Variants in BMP8B observed in about 807,000 individuals in gnomAD.
BMP8B encodes the protein bone morphogenetic protein 8 (osteogenic protein 2).
A neutral mutation model predicts 30.3 loss-of-function variants in BMP8B; 17 were observed. The ratio of observed to expected loss-of-function variants is 0.56; its 90% CI spans 0.38 to 0.84. BMP8B has a LOEUF of 0.84. BMP8B is among the 40% of genes least tolerant of loss of function. The pLI, the probability that BMP8B is intolerant of heterozygous loss-of-function variation, is 0.00. For missense variants in BMP8B, 253 were observed against 494.6 expected (o/e 0.51, Z 4.63); for synonymous variants, 131 against 214.7 (o/e 0.61, Z 3.41).
intron 1 of BMP8B, among the ~76,000 whole-genome samples, chr1:39,776,327 TTCA>T (rs2124474367): frequency 6.6e-6 from 1 of 152,332 alleles, no homozygotes; most frequent in African/African-American, 2.4e-5. Context: ...TCCCATCCGT[TTCA>T]AACTCTAGAA....
rs376496822 is a variant in BMP8B, at chr1:39,759,141, C to G, written c.*1278G>C. On this transcript the variant is annotated 3_prime_UTR_variant, in exon 7 of 7. Transcript: ENST00000372827. The stretch of plus-strand genomic sequence containing the variant: ...TAAACACTCCAACTCCCAGTGGCTG[C>G]TCCAAGGAGAACAGCAGTTTCCGAG... The G allele has an allele frequency of 3.3e-5, 5 of 152,306 alleles. No individual in the cohort carries two copies. In the East Asian group the frequency reaches 5.8e-4, roughly 18 times the overall value. 9.4% of individuals were successfully genotyped at this position (152,306 alleles called of 1,614,324 possible). A position where few individuals can be genotyped will look rare whatever the true frequency, so the allele number is the denominator to read the frequency against.
At chr1:39,778,773 G>A (rs1650411572) in intron 1 of BMP8B, among the ~76,000 whole-genome samples, 1 of 152,220 alleles carries the variant, frequency 6.6e-6, no homozygotes, top group South Asian at 2.1e-4. Flanking sequence ...TCCCGGGAAA[G>A]AATGAACTGT....
intron 1 of BMP8B, among the ~76,000 whole-genome samples, chr1:39,777,255 A>G (rs1350751439): frequency 6.6e-6 from 1 of 152,210 alleles, no homozygotes; most frequent in Non-Finnish European, 1.5e-5. Flanking sequence ...GCACCTCTAA[A>G]TATTTATTTT....
In BMP8B at chr1:39,760,446, C is replaced by T. The variant is rs1466467001; in HGVS notation, c.1182G>A (p.Met394Ile). 6.2e-7 allele frequency: 1 copy of T among 1,613,990 alleles called. No homozygotes were observed. The highest frequency in any genetic ancestry group is 1.7e-5 in the Admixed American group (1 of 60,000). The change falls in exon 7 of 7, where the codon ATG (methionine) becomes ATA (isoleucine). Residue 394 changes from methionine to isoleucine, a missense_variant. Met to Ile is a conservative substitution (Grantham distance 10, BLOSUM62 1). Transcript: ENST00000372827. ...NNVILRKHRN[M>I]VVKACGCH ...AGTGGCAGCCGCAGGCCTTGACCACCATGTTGCGGTGCTTGCGCAGGATGA... is the reference window on the plus strand; with the variant it reads ...AGTGGCAGCCGCAGGCCTTGACCACTATGTTGCGGTGCTTGCGCAGGATGA...
At chr1:39,785,810 C>T (rs75984509) in intron 1 of BMP8B, among the ~76,000 whole-genome samples, 9,030 of 152,276 alleles carry the variant, frequency 0.059, 322 homozygotes, top group Middle Eastern at 0.16. Context: ...AATCCATGCC[C>T]CCCCACCGCC....
In BMP8B at chr1:39,760,508, C is replaced by A; in HGVS notation, c.1120G>T (p.Ala374Ser). The A allele has an allele frequency of 6.2e-7, 1 of 1,614,150 alleles. No individual in the cohort carries two copies. The highest frequency in any genetic ancestry group is 8.5e-7 in the Non-Finnish European group (1 of 1,180,022). The change falls in exon 7 of 7, where the codon GCC becomes TCC. Residue 374 changes from alanine (A) to serine (S), a missense_variant. This residue lies in a region of BMP8B where 116 missense variants were observed against 142.3 expected (regional missense o/e 0.81). Coordinates refer to ENST00000372827, the MANE Select transcript of BMP8B (RefSeq NM_001720.5). The stretch of plus-strand genomic sequence containing the variant: ...CTGTCATAGTAGAGCACAGAGGTGG[C>A]GCTCAGCTTGGTGGGTGCACAGCAC... ...KACCAPTKLS[A>S]TSVLYYDSSN...
At chr1:39,781,420 A>T (rs549511899) in intron 1 of BMP8B, among the ~76,000 whole-genome samples, 1 of 152,362 alleles carries the variant, frequency 6.6e-6, no homozygotes, top group East Asian at 1.9e-4. Flanking sequence ...TTTATTGAGC[A>T]CTGACCAGCC....
rs1281847581 is a variant in BMP8B, at chr1:39,788,614, G to A, written c.-129C>T. 9.3e-6 allele frequency: 8 copies of A among 859,110 alleles called. No homozygotes were observed. Among genetic ancestry groups the A allele is most frequent in the African/African-American group, 1.8e-5 (1 of 54,248 alleles). 53.2% of individuals were successfully genotyped at this position (859,110 alleles called of 1,614,324 possible). On this transcript the variant is annotated 5_prime_UTR_variant, in exon 1 of 7. Transcript: ENST00000372827. This position sits in a 1 kb window ranked among gnomAD's most constrained non-coding sequence, Gnocchi z 5.8. Reference sequence around the variant, plus strand: ...CGGGCGGCGGGCGGCGGGGCGGGGCGGGACGGGCGGCGACCGCGGCCTCAG... The same window carrying A: ...CGGGCGGCGGGCGGCGGGGCGGGGCAGGACGGGCGGCGACCGCGGCCTCAG...
intron 6 of BMP8B, chr1:39,762,750 A>T: frequency 7.3e-7 from 1 of 1,377,706 alleles, no homozygotes; most frequent in Non-Finnish European, 9.7e-7. Context: ...AAGATCACAC[A>T]GCCCCCACAC....
rs116241541 is a variant in BMP8B at position 39,758,211 on chromosome 1, C to G, written c.*2208G>C. 1 of 152,172 alleles carries G rather than the reference C, an allele frequency of 6.6e-6. No individual in the cohort carries two copies. Among genetic ancestry groups the G allele is most frequent in the Non-Finnish European group, 1.5e-5 (1 of 68,040 alleles). 9.4% of individuals were successfully genotyped at this position (152,172 alleles called of 1,614,324 possible). A position where few individuals can be genotyped will look rare whatever the true frequency, so the allele number is the denominator to read the frequency against. ...TTAAGAAGGAACAATTAAGTAAATA[C>G]TAGGATGGCAAACAGGTTCCATAAT... On this transcript the variant is annotated 3_prime_UTR_variant, in exon 7 of 7. Coordinates refer to ENST00000372827, the MANE Select transcript of BMP8B (RefSeq NM_001720.5).
chr1:39,787,971 A>C (rs1651106366), intron 1 of BMP8B, among the ~76,000 whole-genome samples, 181 bp downstream of exon 1: 1 of 152,160 alleles, frequency 6.6e-6, no homozygotes, highest in Non-Finnish European at 1.5e-5. Context: ...ACCACCCCGC[A>C]GCCCAGGGGG....
chr1:39,765,744 TAAGTA>T (rs1189705136), intron 3 of BMP8B, among the ~76,000 whole-genome samples: 1 of 131,170 alleles, frequency 7.6e-6, no homozygotes, highest in Non-Finnish European at 1.6e-5. Context: ...TAAAAGCAAT[TAAGTA>T]AAGAAACTTT....
intron 1 of BMP8B, among the ~76,000 whole-genome samples, chr1:39,785,980 C>T (rs553374859): frequency 1.1e-4 from 17 of 152,294 alleles, no homozygotes; most frequent in African/African-American, 2.9e-4. Context: ...AATCTCGCAG[C>T]GCTGGAGGCC....
intron 3 of BMP8B, among the ~76,000 whole-genome samples, chr1:39,767,038 T>TGCAG (rs1649665419): frequency 2.6e-5 from 4 of 152,264 alleles, no homozygotes; most frequent in Admixed American, 2.6e-4. Flanking sequence ...CCATCAGTCC[T>TGCAG]GCAGGCTTTC....
Position 39,788,841 on chromosome 1 carries a change from C to T in BMP8B, c.-356G>A, listed in dbSNP as rs1326403275. 1 of 152,144 alleles carries T rather than the reference C, an allele frequency of 6.6e-6. No homozygotes were observed. The highest frequency in any genetic ancestry group is 1.5e-5 in the Non-Finnish European group (1 of 68,266). 9.4% of individuals were successfully genotyped at this position (152,144 alleles called of 1,614,324 possible). On this transcript the variant is annotated 5_prime_UTR_variant, in exon 1 of 7. Coordinates refer to ENST00000372827, the MANE Select transcript of BMP8B (RefSeq NM_001720.5). This position sits in a 1 kb window ranked among gnomAD's most constrained non-coding sequence, Gnocchi z 5.8. ...ATGGGCGAGCTCCTGCAGCCACCCG[C>T]TTGGTGCGGTTCCCGCGAGTCCCTG...
At chr1:39,786,572 G>A (rs376431722) in intron 1 of BMP8B, among the ~76,000 whole-genome samples, 7 of 152,308 alleles carry the variant, frequency 4.6e-5, no homozygotes, top group Middle Eastern at 3.4e-3. Context: ...AGGGGAGGTC[G>A]GATGTGGGCT....
intron 4 of BMP8B, among the ~76,000 whole-genome samples, chr1:39,764,115 G>A (rs1649411805): frequency 6.6e-6 from 1 of 151,740 alleles, no homozygotes; most frequent in South Asian, 2.1e-4. Context: ...AGACCCCTGT[G>A]ACTCCAGCCC....
At chr1:39,782,872 C>A (rs1361019606) in intron 1 of BMP8B, among the ~76,000 whole-genome samples, 1 of 152,154 alleles carries the variant, frequency 6.6e-6, no homozygotes, top group Non-Finnish European at 1.5e-5. Flanking sequence ...GTCTCCCAGG[C>A]AACCTCCATC....
At chr1:39,781,581 C>G (rs1421222410) in intron 1 of BMP8B, among the ~76,000 whole-genome samples, 1 of 152,194 alleles carries the variant, frequency 6.6e-6, no homozygotes, top group Non-Finnish European at 1.5e-5. Flanking sequence ...AGGTTAGGCT[C>G]TCTGGGCAAC....
Sources: allele counts gnomAD v4.1 joint callset (sites outside exome capture counted in the v4.1 genomes callset), GRCh38; gene constraint gnomAD v4.1.1; regional missense constraint gnomAD v4.1.1; non-coding constraint Gnocchi (gnomAD v3.1); transcripts MANE v1.5; gene names NCBI Gene and HGNC (gene_info 2026-07-23, HGNC 2026-07-21).